The following TRDN variants were observed in gnomAD, a reference collection of about 807,000 sequenced individuals.
The protein encoded by TRDN is triadin in skeletal muscle.
Under a neutral mutation model 149.7 loss-of-function variants are expected in TRDN, and 161 were observed. That is an observed-to-expected ratio of 1.08 (90% confidence interval 0.95 to 1.23). The LOEUF (loss-of-function observed/expected upper bound fraction) is 1.23. Ranked by LOEUF, TRDN falls within the 50% of genes most tolerant of loss-of-function variation. TRDN has a pLI of 0.00. For synonymous variants in TRDN, 294 were observed against 250.5 expected (o/e 1.17, Z -1.64); for missense variants, 896 against 823.5 (o/e 1.09, Z -1.08).
rs1219935615 is a variant in TRDN at position 123,416,734 on chromosome 6, C to T, written c.1051+21329G>A. ...TTTTTTTAGTTGACAGAGTCTTGCT[C>T]TGTTGCACTCAGGCTGGAGTGCAGC... On this transcript the variant is annotated intron_variant, in intron 12 of 40. Coordinates refer to ENST00000334268, the MANE Select transcript of TRDN (RefSeq NM_006073.4). Among the ~76,000 whole-genome samples, 3 of 144,614 alleles carry T rather than the reference C, an allele frequency of 2.1e-5. No individual in the cohort carries two copies. In the South Asian group the frequency reaches 6.4e-4, roughly 31 times the overall value. 94.9% of individuals were successfully genotyped at this position (144,614 alleles called of 152,430 possible).
intron 12 of TRDN, among the ~76,000 whole-genome samples, chr6:123,397,908 C>CA (rs1772799857): frequency 6.6e-6 from 1 of 152,152 alleles, no homozygotes; most frequent in Non-Finnish European, 1.5e-5. Flanking sequence ...AATTATGAAT[C>CA]AAATTTATTT....
chr6:123,266,071 A>T (rs1299851412), intron 32 of TRDN, among the ~76,000 whole-genome samples: 1 of 135,302 alleles, frequency 7.4e-6, no homozygotes, highest in South Asian at 2.1e-4. Flanking sequence ...TTGTAGATAC[A>T]TTTTGTGTTT....
At chr6:123,230,700 T>C (rs542735848) in intron 38 of TRDN, among the ~76,000 whole-genome samples, 10 of 152,090 alleles carry the variant, frequency 6.6e-5, no homozygotes, top group Admixed American at 5.9e-4. Context: ...TTCTTCTTCA[T>C]ACAAAAGATT....
At chr6:123,595,296 C>T (rs1783978789) in intron 1 of TRDN, among the ~76,000 whole-genome samples, 1 of 151,896 alleles carries the variant, frequency 6.6e-6, no homozygotes, top group Admixed American at 6.6e-5. Context: ...AGTAGTGTTC[C>T]CTATGAAACA....
intron 5 of TRDN, among the ~76,000 whole-genome samples, chr6:123,521,835 A>T (rs1369984058): frequency 6.6e-6 from 1 of 152,098 alleles, no homozygotes; most frequent in African/African-American, 2.4e-5. Flanking sequence ...CCAAACCCCA[A>T]ACTACATCTC....
At chr6:123,503,471 C>T in intron 8 of TRDN, 1 of 985,124 alleles carries the variant, frequency 1.0e-6, no homozygotes, top group Non-Finnish European at 1.2e-6. Flanking sequence ...ATTTCGGATG[C>T]TACCTCCAAA....
intron 1 of TRDN, among the ~76,000 whole-genome samples, chr6:123,597,274 G>T (rs1391235508): frequency 6.6e-6 from 1 of 152,052 alleles, no homozygotes; most frequent in African/African-American, 2.4e-5. Flanking sequence ...TAGAAGTGGA[G>T]CCTGAAGATG....
intron 24 of TRDN, among the ~76,000 whole-genome samples, chr6:123,312,397 A>G (rs542991386): frequency 6.6e-6 from 1 of 151,882 alleles, no homozygotes; most frequent in Non-Finnish European, 1.5e-5. Context: ...GACCTTTATG[A>G]TGATACATAA....
At chr6:123,585,172 G>A (rs543368826) in intron 1 of TRDN, among the ~76,000 whole-genome samples, 1 of 150,036 alleles carries the variant, frequency 6.7e-6, no homozygotes, top group Non-Finnish European at 1.5e-5. Flanking sequence ...GCACGCAAAG[G>A]AGGCTTTGGA....
At chr6:123,585,845 T>A (rs1201883151) in intron 1 of TRDN, among the ~76,000 whole-genome samples, 1 of 152,048 alleles carries the variant, frequency 6.6e-6, no homozygotes, top group African/African-American at 2.4e-5. Flanking sequence ...TGGCTGGGGT[T>A]TGTCTCACAG....
intron 22 of TRDN, among the ~76,000 whole-genome samples, chr6:123,336,683 C>T (rs1441068638): frequency 1.3e-5 from 2 of 151,682 alleles, no homozygotes; most frequent in African/African-American, 4.8e-5. Context: ...GAATTAATTA[C>T]ATCATATTAG....
At chr6:123,583,595 G>T (rs1428322004) in intron 1 of TRDN, among the ~76,000 whole-genome samples, 5 of 151,170 alleles carry the variant, frequency 3.3e-5, no homozygotes, top group African/African-American at 1.2e-4. Context: ...AAAACTGCTT[G>T]GCTGATTTGA....
intron 24 of TRDN, among the ~76,000 whole-genome samples, chr6:123,283,827 A>T (rs1230136700): frequency 6.7e-6 from 1 of 149,556 alleles, no homozygotes; most frequent in Non-Finnish European, 1.5e-5. Context: ...AATGAAAAAA[A>T]ATTCCAGGAA....
At chr6:123,293,808 CA>C (rs145331466) in intron 24 of TRDN, among the ~76,000 whole-genome samples, 26,812 of 151,952 alleles carry the variant, frequency 0.18, 3,029 homozygotes, top group East Asian at 0.53. Context: ...CCCTGTACAT[CA>C]AAAACTTGGA....
At chr6:123,458,911 A>G (rs1029575055) in intron 10 of TRDN, among the ~76,000 whole-genome samples, 3 of 151,796 alleles carry the variant, frequency 2.0e-5, no homozygotes, top group African/African-American at 7.3e-5. Flanking sequence ...GATTTCCTTA[A>G]CATACAGAAT....
chr6:123,494,000 A>G (rs777012457), intron 9 of TRDN, among the ~76,000 whole-genome samples: 13 of 152,340 alleles, frequency 8.5e-5, no homozygotes, highest in South Asian at 6.2e-4. Context: ...GGCATATTAC[A>G]TAGGCTTTCC....
chr6:123,510,165 A>C (rs1163150774), intron 7 of TRDN: 1 of 152,134 alleles, frequency 6.6e-6, no homozygotes, highest in Admixed American at 6.6e-5. Context: ...TTAATCTTGA[A>C]AGTAAATTCA....
At chr6:123,589,193 C>T (rs1355313238) in intron 1 of TRDN, among the ~76,000 whole-genome samples, 1 of 152,190 alleles carries the variant, frequency 6.6e-6, no homozygotes, top group African/African-American at 2.4e-5. Context: ...TGCAGAAAAT[C>T]TCCCAAATTA....
chr6:123,516,673 A>T (rs1027441216), intron 5 of TRDN, among the ~76,000 whole-genome samples: 1 of 152,098 alleles, frequency 6.6e-6, no homozygotes, highest in East Asian at 1.9e-4. Context: ...TAAATGTTTT[A>T]AAAAATATAC....
Sources: allele counts gnomAD v4.1 joint callset (sites outside exome capture counted in the v4.1 genomes callset), GRCh38; gene constraint gnomAD v4.1.1; transcripts MANE v1.5; gene names NCBI Gene and HGNC (gene_info 2026-07-23, HGNC 2026-07-21).